Variants in TACC2 observed in about 807,000 individuals in gnomAD.
TACC2 encodes the protein transforming acidic coiled-coil-containing protein 2.
In TACC2, 137 loss-of-function variants were observed where a neutral mutation model predicts 227.3. The ratio of observed to expected loss-of-function variants is 0.60; its 90% CI spans 0.52 to 0.69. TACC2 has a LOEUF of 0.69. Ranked by LOEUF, TACC2 falls within the 30% of genes least tolerant of loss-of-function variation. The probability of loss-of-function intolerance (pLI) is 0.00; values close to 1 mark genes in which losing one functional copy is unlikely to be tolerated. For synonymous variants in TACC2, 1,523 were observed against 1,487.5 expected (o/e 1.02, Z -0.55); for missense variants, 3,470 against 3,694.4 (o/e 0.94, Z 1.57).
In TACC2 at chr10:122,086,662, A is replaced by C. The variant is rs2080124001; in HGVS notation, c.4162A>C (p.Thr1388Pro). 3 of 1,611,144 alleles carry C rather than the reference A, an allele frequency of 1.9e-6. No individual in the cohort carries two copies. Among genetic ancestry groups the C allele is most frequent in the African/African-American group, 2.7e-5 (2 of 74,914 alleles). The change falls in exon 4 of 23, where the codon ACA (threonine) becomes CCA (proline). Residue 1388 changes from threonine to proline, a missense_variant. Transcript: ENST00000369005. ...GEPSQDPKQG[T>P]SGGVDTSSEQ... ...GCCTTCCCAGGACCCAAAGCAGGGC[A>C]CATCAGGTGGTGTGGACACAAGCTC...
intron 16 of TACC2, 42 bp downstream of exon 16, chr10:122,230,482 ATGTGT>A: frequency 6.4e-7 from 1 of 1,568,332 alleles, no homozygotes; most frequent in Non-Finnish European, 8.8e-7. Context: ...TGAGAATGTC[ATGTGT>A]GCCGCTGGGG....
chr10:122,169,525 C>A (rs1003045657), intron 7 of TACC2, among the ~76,000 whole-genome samples: 3 of 152,162 alleles, frequency 2.0e-5, no homozygotes, highest in African/African-American at 4.8e-5. Context: ...ACATGTAAAT[C>A]CATGTTCCAG....
intron 7 of TACC2, among the ~76,000 whole-genome samples, chr10:122,189,769 G>A (rs149697788): frequency 2.6e-5 from 4 of 152,336 alleles, no homozygotes; most frequent in African/African-American, 9.6e-5. Flanking sequence ...TCCAGGATGA[G>A]TGTTGTATTT....
intron 18 of TACC2, among the ~76,000 whole-genome samples, chr10:122,241,337 G>A (rs1564816298): frequency 2.0e-5 from 3 of 152,032 alleles, no homozygotes; most frequent in South Asian, 2.1e-4. Flanking sequence ...TGTTGCCCAC[G>A]CTGGAGTACA....
rs1437030329 is a variant in TACC2, at chr10:122,082,674, C to T, written c.174C>T (p.Phe58=). 6.2e-7 allele frequency: 1 copy of T among 1,613,318 alleles called. No homozygotes were observed. The highest frequency in any genetic ancestry group is 1.3e-5 in the African/African-American group (1 of 74,878). Residue 58 remains phenylalanine, a synonymous_variant, in exon 4 of 23, where the codon TTC becomes TTT. Transcript: ENST00000369005. ...TTGGCAGCGTTGGGCTTGGAGGCTTCTGCACCGCTTCTGAGAGTTCTGCCA... is the reference window on the plus strand; with the variant it reads ...TTGGCAGCGTTGGGCTTGGAGGCTTTTGCACCGCTTCTGAGAGTTCTGCCA... ...SSIGSVGLGG[F]CTASESSASL... is the part of the protein sequence containing the mutation.
intron 1 of TACC2, among the ~76,000 whole-genome samples, chr10:122,006,134 C>A (rs905893057): frequency 1.9e-4 from 29 of 151,870 alleles, no homozygotes; most frequent in Non-Finnish European, 3.8e-4. Context: ...TGTTATCTTG[C>A]TTTGTTTATT....
intron 1 of TACC2, among the ~76,000 whole-genome samples, chr10:121,994,368 A>G (rs1247481177): frequency 1.3e-5 from 2 of 152,212 alleles, no homozygotes; most frequent in African/African-American, 2.4e-5. Context: ...TTGCAGCCCA[A>G]GGTAGTTGAC....
intron 7 of TACC2, among the ~76,000 whole-genome samples, chr10:122,167,832 G>A (rs1395006452): frequency 1.3e-5 from 2 of 152,152 alleles, no homozygotes; most frequent in African/African-American, 2.4e-5. Flanking sequence ...GGCCAGAAAC[G>A]GTCGCTGGGG....
rs72840843 is a variant in TACC2 at position 122,143,865 on chromosome 10, C to T, written c.5834+159C>T. ...TGTCTCTGACCCTTTGGGCCATAGC[C>T]GATCTCAGGTTTACCCTTGCCCACC... On this transcript the variant is annotated intron_variant, in intron 7 of 22. Transcript: ENST00000369005. Among the ~76,000 whole-genome samples the T allele has an allele frequency of 8.0e-3, 1,221 of 152,244 alleles. 3 individuals are homozygous for T. The highest frequency in any genetic ancestry group is 0.012 in the Admixed American group (186 of 15,296).
At chr10:122,152,710 C>T (rs551266406) in intron 7 of TACC2, among the ~76,000 whole-genome samples, 2 of 152,250 alleles carry the variant, frequency 1.3e-5, no homozygotes, top group South Asian at 2.1e-4. Flanking sequence ...TCCAGACTGA[C>T]GTAGTTGGGG....
In TACC2 at chr10:122,074,065, T is replaced by C. The variant is rs1407913216; in HGVS notation, c.147-8582T>C. Among the ~76,000 whole-genome samples the C allele has an allele frequency of 8.9e-5, 13 of 145,324 alleles. No homozygotes were observed. In the Admixed American group the frequency reaches 9.2e-4, roughly 10 times the overall value. ...AAAGTGCTGGGATTACAGGCGTAAG[T>C]CACAGCACCCGGCATCTTTTTTTTT... is the stretch of plus-strand genomic sequence containing the variant. On this transcript the variant is annotated intron_variant, in intron 3 of 22. Transcript: ENST00000369005.
At chr10:122,123,271 C>T (rs2086192859) in intron 5 of TACC2, among the ~76,000 whole-genome samples, 1 of 152,140 alleles carries the variant, frequency 6.6e-6, no homozygotes, top group South Asian at 2.1e-4. Context: ...TCCCAAAGTG[C>T]TGGGATTACA....
intron 6 of TACC2, among the ~76,000 whole-genome samples, chr10:122,137,340 G>A (rs1219269269): frequency 1.3e-5 from 2 of 151,608 alleles, no homozygotes; most frequent in Non-Finnish European, 2.9e-5. Context: ...AAAATCAGCC[G>A]GTTGTGGTGG....
At position 122,085,016 on chromosome 10, in the gene TACC2, C is replaced by T. The variant is rs745676113; in HGVS notation, c.2516C>T (p.Thr839Ile). 1.2e-6 allele frequency: 2 copies of T among 1,614,216 alleles called. No individual in the cohort carries two copies. Among genetic ancestry groups the T allele is most frequent in the East Asian group, 4.5e-5 (2 of 44,874 alleles). ...CAGCCATCCCAGGCACAACCAGAGACATCCATCTTTGACGTGCTCAAGGAG... is the reference window on the plus strand; with the variant it reads ...CAGCCATCCCAGGCACAACCAGAGATATCCATCTTTGACGTGCTCAAGGAG... ...HLQPSQAQPE[T>I]SIFDVLKEQA... Residue 839 changes from threonine (T) to isoleucine (I), a missense_variant, in exon 4 of 23, where the codon ACA (threonine) becomes ATA (isoleucine). This residue lies in a region of TACC2 where 1,924 missense variants were observed against 1,978.3 expected (regional missense o/e 0.97). Transcript: ENST00000369005.
At chr10:122,229,319 T>C in intron 14 of TACC2, 27 bp from the exon 15 acceptor site, 1 of 1,612,876 alleles carries the variant, frequency 6.2e-7, no homozygotes, top group South Asian at 1.1e-5. Flanking sequence ...ATTTTTCTTG[T>C]GTGTCCTCCT....
At chr10:122,013,118 G>T (rs781782044) in intron 1 of TACC2, among the ~76,000 whole-genome samples, 4 of 152,158 alleles carry the variant, frequency 2.6e-5, no homozygotes, top group Non-Finnish European at 5.9e-5. Flanking sequence ...GGATATGTCA[G>T]TCCTGTGTCT....
At chr10:122,240,579 C>A (rs775025261) in intron 18 of TACC2, among the ~76,000 whole-genome samples, 7 of 152,190 alleles carry the variant, frequency 4.6e-5, no homozygotes, top group Non-Finnish European at 5.9e-5. Context: ...GTAAGCAGAG[C>A]GCCCGCAGCT....
At chr10:122,001,733 G>A (rs953691525) in intron 1 of TACC2, among the ~76,000 whole-genome samples, 1 of 152,058 alleles carries the variant, frequency 6.6e-6, no homozygotes, top group African/African-American at 2.4e-5. Flanking sequence ...AGTTGCTTTT[G>A]GTTGATATGT....
At chr10:121,996,199 A>G (rs1370729113) in intron 1 of TACC2, among the ~76,000 whole-genome samples, 3 of 152,056 alleles carry the variant, frequency 2.0e-5, no homozygotes, top group Admixed American at 6.6e-5. Flanking sequence ...GACCACAGGC[A>G]CGCACCACCA....
Sources: allele counts gnomAD v4.1 joint callset (sites outside exome capture counted in the v4.1 genomes callset), GRCh38; gene constraint gnomAD v4.1.1; regional missense constraint gnomAD v4.1.1; transcripts MANE v1.5; gene names NCBI Gene and HGNC (gene_info 2026-07-23, HGNC 2026-07-21).